The following CDK19 variants were observed in gnomAD, a reference collection of about 807,000 sequenced individuals.
The protein encoded by CDK19 is cyclin-dependent kinase 19.
Under a neutral mutation model 68.3 loss-of-function variants are expected in CDK19, and 20 were observed. That is an observed-to-expected ratio of 0.29 (90% CI 0.21 to 0.43). The LOEUF is 0.43. CDK19 is among the 20% of genes least tolerant of loss of function. The pLI, the probability that CDK19 is intolerant of heterozygous loss-of-function variation, is 1.00. For synonymous variants in CDK19, 221 were observed against 222.8 expected, an observed-to-expected ratio of 0.99 and a Z score of 0.07; for missense variants, 339 against 623.5, an observed-to-expected ratio of 0.54 and a Z score of 4.86.
chr6:110,737,291 T>C lies in CDK19; in HGVS notation c.204+8835A>G, dbSNP rs185998129. On this transcript the variant is annotated intron_variant, in intron 2 of 12. Transcript: ENST00000368911. ...AAAGCTGATATCTTTTTTCAAACTG[T>C]TCCTTCTCACAAAAGTGAGTAACAC... 1.5e-3 allele frequency among the ~76,000 whole-genome samples: 235 copies of C among 152,288 alleles called. 1 individual carries two copies. The highest frequency in any genetic ancestry group is 3.4e-3 in the Admixed American group (52 of 15,300).
At chr6:110,803,111 G>A (rs920450597) in intron 1 of CDK19, among the ~76,000 whole-genome samples, 1 of 151,700 alleles carries the variant, frequency 6.6e-6, no homozygotes, top group Admixed American at 6.6e-5. Flanking sequence ...ACAGAGTCTT[G>A]CTCTGTAGCC....
At chr6:110,699,847 C>G (rs1773839565) in intron 2 of CDK19, among the ~76,000 whole-genome samples, 1 of 152,160 alleles carries the variant, frequency 6.6e-6, no homozygotes. Context: ...TGGAAATCAT[C>G]AAGTCATAAG....
intron 9 of CDK19, 82 bp from the exon 10 acceptor site, chr6:110,622,994 C>T: frequency 1.1e-6 from 1 of 877,558 alleles, no homozygotes; most frequent in Middle Eastern, 2.1e-4. Flanking sequence ...TACTGTGTAA[C>T]AGGATTAATA....
At chr6:110,737,469 T>C (rs1229953192) in intron 2 of CDK19, among the ~76,000 whole-genome samples, 1 of 152,030 alleles carries the variant, frequency 6.6e-6, no homozygotes, top group East Asian at 1.9e-4. Context: ...AATAGTCCAA[T>C]AGGTGTATAC....
chr6:110,651,058 A>C (rs967517287), intron 4 of CDK19, among the ~76,000 whole-genome samples: 2 of 152,194 alleles, frequency 1.3e-5, no homozygotes, highest in African/African-American at 4.8e-5. Flanking sequence ...ATGTAAGAAC[A>C]GGAGAGTAAG....
At chr6:110,635,237 TGA>T (rs1779686928) in intron 5 of CDK19, among the ~76,000 whole-genome samples, 1 of 152,070 alleles carries the variant, frequency 6.6e-6, no homozygotes, top group Non-Finnish European at 1.5e-5. Context: ...ATAAGTACTG[TGA>T]GAATAAAGGA....
chr6:110,812,649 T>A (rs561894996), intron 1 of CDK19, among the ~76,000 whole-genome samples: 1 of 152,274 alleles, frequency 6.6e-6, no homozygotes, highest in Non-Finnish European at 1.5e-5. Context: ...TATACCAGAA[T>A]CATTTATCTT....
At chr6:110,619,860 G>C (rs1370686175) in intron 12 of CDK19, among the ~76,000 whole-genome samples, 1 of 152,024 alleles carries the variant, frequency 6.6e-6, no homozygotes, top group Non-Finnish European at 1.5e-5. Flanking sequence ...GCCCCGCCTT[G>C]AATAAAGTCT....
chr6:110,709,978 C>T (rs1304628643), intron 2 of CDK19, among the ~76,000 whole-genome samples: 3 of 152,060 alleles, frequency 2.0e-5, no homozygotes, highest in East Asian at 3.9e-4. Flanking sequence ...AGAAATTTAT[C>T]ATCACAAAAA....
At chr6:110,768,793 A>G (rs1240543246) in intron 1 of CDK19, among the ~76,000 whole-genome samples, 17 of 152,182 alleles carry the variant, frequency 1.1e-4, no homozygotes, top group Admixed American at 9.2e-4. Flanking sequence ...TGATACTGTA[A>G]TGGTTAAATA....
intron 4 of CDK19, among the ~76,000 whole-genome samples, chr6:110,642,674 C>T (rs1022268605): frequency 2.0e-5 from 3 of 152,112 alleles, no homozygotes. Flanking sequence ...AAGAAACAAA[C>T]CAGGCACGGT....
intron 4 of CDK19, among the ~76,000 whole-genome samples, chr6:110,667,105 T>C (rs1781991481): frequency 6.6e-6 from 1 of 152,176 alleles, no homozygotes; most frequent in Non-Finnish European, 1.5e-5. Context: ...TTACTAATGA[T>C]GAGCAATAAT....
chr6:110,751,910 AT>A, intron 1 of CDK19, among the ~76,000 whole-genome samples: 1 of 152,028 alleles, frequency 6.6e-6, no homozygotes, highest in South Asian at 2.1e-4. Flanking sequence ...TGAGCCAACT[AT>A]TTTTTTCTTC....
intron 2 of CDK19, among the ~76,000 whole-genome samples, chr6:110,717,415 T>A (rs1775494543): frequency 1.3e-5 from 2 of 152,324 alleles, no homozygotes; most frequent in South Asian, 2.1e-4. Flanking sequence ...TGACAGGTAG[T>A]ACATACATTT....
intron 1 of CDK19, among the ~76,000 whole-genome samples, chr6:110,779,690 A>G (rs1780658814): frequency 6.6e-6 from 1 of 151,830 alleles, no homozygotes; most frequent in Non-Finnish European, 1.5e-5. Context: ...CTGAGGCAAG[A>G]GGATCACTTG....
At chr6:110,664,189 T>C (rs1210162714) in intron 4 of CDK19, among the ~76,000 whole-genome samples, 1 of 152,174 alleles carries the variant, frequency 6.6e-6, no homozygotes, top group African/African-American at 2.4e-5. Flanking sequence ...TCTGAGATAA[T>C]CCAAGTGCTT....
chr6:110,641,827 T>G (rs1188705864), intron 4 of CDK19, among the ~76,000 whole-genome samples: 1 of 152,034 alleles, frequency 6.6e-6, no homozygotes, highest in Non-Finnish European at 1.5e-5. Flanking sequence ...ATAACTAAGA[T>G]TTGGATAAGC....
chr6:110,685,797 C>T (rs966356875), intron 2 of CDK19, among the ~76,000 whole-genome samples: 1 of 152,112 alleles, frequency 6.6e-6, no homozygotes, highest in African/African-American at 2.4e-5. Flanking sequence ...TTTTGGAGGA[C>T]CTGAGGCTCA....
chr6:110,616,095 A>C (rs1778296530), intron 12 of CDK19, among the ~76,000 whole-genome samples: 1 of 152,186 alleles, frequency 6.6e-6, no homozygotes, highest in Non-Finnish European at 1.5e-5. Context: ...GGAGGCTGAT[A>C]ATAAAACTCT....
Sources: allele counts gnomAD v4.1 joint callset (sites outside exome capture counted in the v4.1 genomes callset), GRCh38; gene constraint gnomAD v4.1.1; transcripts MANE v1.5; gene names NCBI Gene and HGNC (gene_info 2026-07-23, HGNC 2026-07-21).